The following FAF1 variants were observed in gnomAD, a reference collection of about 807,000 sequenced individuals.
FAF1 encodes the protein FAS-associated factor 1.
FAF1 carries 25 observed loss-of-function variants against 92.5 expected under a neutral mutation model. The ratio of observed to expected loss-of-function variants is 0.27; its 90% confidence interval spans 0.20 to 0.38. The LOEUF (loss-of-function observed/expected upper bound fraction) is 0.38, where lower values mean the gene tolerates loss of function less well. Ranked by LOEUF, FAF1 falls within the 10% of genes least tolerant of loss-of-function variation. FAF1 has a pLI of 1.00. For synonymous variants in FAF1, 234 were observed against 273.2 expected, an observed-to-expected ratio of 0.86 and a Z score of 1.42; for missense variants, 636 against 793.3, an observed-to-expected ratio of 0.80 and a Z score of 2.38.
chr1:50,676,774 A>T (rs1054630765), intron 7 of FAF1, among the ~76,000 whole-genome samples: 1 of 152,286 alleles, frequency 6.6e-6, no homozygotes, highest in African/African-American at 2.4e-5. Context: ...GTGAGCCAAG[A>T]TCCTGCCACT....
chr1:50,690,933 G>T (rs1006456926), intron 7 of FAF1, among the ~76,000 whole-genome samples: 1 of 152,118 alleles, frequency 6.6e-6, no homozygotes, highest in Non-Finnish European at 1.5e-5. Flanking sequence ...TTTTATGACT[G>T]AAAATATTCC....
intron 8 of FAF1, among the ~76,000 whole-genome samples, chr1:50,608,035 C>G (rs545232544): frequency 2.0e-5 from 3 of 152,344 alleles, no homozygotes; most frequent in Non-Finnish European, 2.9e-5. Context: ...CTGCTCCTTG[C>G]GGAGCAGGGC....
intron 15 of FAF1, among the ~76,000 whole-genome samples, chr1:50,501,484 A>G (rs931357209): frequency 3.3e-5 from 5 of 152,020 alleles, no homozygotes; most frequent in Admixed American, 1.3e-4. Flanking sequence ...ATATGGTGAA[A>G]CCCTGTCTCT....
intron 13 of FAF1, 108 bp downstream of exon 13, chr1:50,566,969 T>C: frequency 1.3e-6 from 1 of 760,884 alleles, no homozygotes; most frequent in Non-Finnish European, 2.0e-6. Context: ...TGAAATGCAA[T>C]GGTAGAGAGT....
At chr1:50,819,194 C>A (rs1644007533) in intron 2 of FAF1, among the ~76,000 whole-genome samples, 2 of 151,880 alleles carry the variant, frequency 1.3e-5, no homozygotes, top group Non-Finnish European at 2.9e-5. Context: ...TAGAGTAGAG[C>A]TGGGGGTTAC....
At chr1:50,717,283 A>AT (rs1353297315) in intron 6 of FAF1, among the ~76,000 whole-genome samples, 1 of 152,132 alleles carries the variant, frequency 6.6e-6, no homozygotes, top group Non-Finnish European at 1.5e-5. Flanking sequence ...TTGGGAGGTA[A>AT]TCAGGTTTAG....
chr1:50,860,901 CA>C (rs1644426912), intron 1 of FAF1, among the ~76,000 whole-genome samples: 1 of 151,876 alleles, frequency 6.6e-6, no homozygotes, highest in Non-Finnish European at 1.5e-5. Context: ...ACTATGCAGC[CA>C]TCAAGAGAAC....
chr1:50,875,673 G>A (rs961274680), intron 1 of FAF1, among the ~76,000 whole-genome samples: 10 of 152,142 alleles, frequency 6.6e-5, no homozygotes, highest in East Asian at 3.9e-4. Context: ...GGCTGGTCTC[G>A]AACTCCTGAT....
chr1:50,507,407 G>A (rs1269524721), intron 15 of FAF1, among the ~76,000 whole-genome samples: 4 of 152,194 alleles, frequency 2.6e-5, no homozygotes, highest in Non-Finnish European at 5.9e-5. Context: ...TTTCAGTAAT[G>A]AAAACATTTT....
At chr1:50,592,937 C>CAAA (rs1374336185) in intron 9 of FAF1, among the ~76,000 whole-genome samples, 2 of 92,306 alleles carry the variant, frequency 2.2e-5, no homozygotes, top group African/African-American at 3.8e-5. Flanking sequence ...GACTCTGTTT[C>CAAA]AAAAAAAAAA....
chr1:50,780,896 TG>T, intron 4 of FAF1: 1 of 483,352 alleles, frequency 2.1e-6, no homozygotes, highest in Non-Finnish European at 4.1e-6. Flanking sequence ...GCCAAACACA[TG>T]GCTCAGCAGG....
At chr1:50,658,185 T>C (rs1655211163) in intron 7 of FAF1, among the ~76,000 whole-genome samples, 1 of 152,132 alleles carries the variant, frequency 6.6e-6, no homozygotes, top group Non-Finnish European at 1.5e-5. Context: ...GACAAAATAA[T>C]TTCTTAAAAC....
intron 1 of FAF1, among the ~76,000 whole-genome samples, chr1:50,916,895 AAATT>A (rs1644922478): frequency 6.6e-6 from 1 of 152,248 alleles, no homozygotes; most frequent in Admixed American, 6.5e-5. Context: ...AGATCAAAGG[AAATT>A]AAAGATAAGG....
chr1:50,493,074 C>T (rs2149010458), intron 15 of FAF1, among the ~76,000 whole-genome samples: 1 of 149,948 alleles, frequency 6.7e-6, no homozygotes, highest in South Asian at 2.1e-4. Context: ...GCTCTGTCAC[C>T]CAGGCTGGAG....
At chr1:50,731,374 T>C (rs1018725358) in intron 6 of FAF1, among the ~76,000 whole-genome samples, 7 of 146,508 alleles carry the variant, frequency 4.8e-5, no homozygotes, top group South Asian at 2.2e-4. Context: ...TCTTTTCTCT[T>C]TTTTTTTTTT....
At chr1:50,464,347 T>C (rs955685862) in intron 18 of FAF1, among the ~76,000 whole-genome samples, 1 of 152,128 alleles carries the variant, frequency 6.6e-6, no homozygotes, top group Non-Finnish European at 1.5e-5. Flanking sequence ...TGGTTATTAT[T>C]ATCTGCCTTT....
At chr1:50,765,952 C>A (rs186746912) in intron 4 of FAF1, among the ~76,000 whole-genome samples, 1 of 152,080 alleles carries the variant, frequency 6.6e-6, no homozygotes, top group Non-Finnish European at 1.5e-5. Context: ...ATTAGCTGGG[C>A]GTGGTAGCGG....
chr1:50,679,954 C>G (rs1656348276), intron 7 of FAF1, among the ~76,000 whole-genome samples: 2 of 152,064 alleles, frequency 1.3e-5, no homozygotes, highest in African/African-American at 4.8e-5. Flanking sequence ...GTTCTAGAGC[C>G]TGGTAATAGT....
chr1:50,804,436 A>T (rs1483960304), intron 2 of FAF1, among the ~76,000 whole-genome samples: 1 of 152,168 alleles, frequency 6.6e-6, no homozygotes, highest in African/African-American at 2.4e-5. Flanking sequence ...TAAAAATAAA[A>T]ATGTAAAGGA....
Sources: allele counts gnomAD v4.1 joint callset (sites outside exome capture counted in the v4.1 genomes callset), GRCh38; gene constraint gnomAD v4.1.1; transcripts MANE v1.5; gene names NCBI Gene and HGNC (gene_info 2026-07-23, HGNC 2026-07-21).